CDKN2A: variants seen among roughly 807,000 people sequenced by gnomAD.
CDKN2A encodes cyclin dependent kinase inhibitor 2A.
In CDKN2A, 3 loss-of-function variants were observed where a neutral mutation model predicts 11.1. The observed-to-expected ratio is 0.27, with a 90% CI of 0.12 to 0.70. The LOEUF is 0.70. Among genes scored for constraint, CDKN2A ranks in the 30% least tolerant of loss-of-function variants. The pLI, the probability that CDKN2A is intolerant of heterozygous loss-of-function variation, is 0.77. For synonymous variants in CDKN2A, 122 were observed against 108.1 expected, an observed-to-expected ratio of 1.13 and a Z score of -0.80; for missense variants, 265 against 233.6, an observed-to-expected ratio of 1.13 and a Z score of -0.88.
rs2131108273 is a variant in CDKN2A at position 21,974,371 on chromosome 9, G to C, written c.150+307C>G. Reference sequence around the variant, plus strand: ...TTAAGACTCCCTTTTTATCCCAAACGTTCGTAAATTTTGTATCTGATAAAG... The same window carrying C: ...TTAAGACTCCCTTTTTATCCCAAACCTTCGTAAATTTTGTATCTGATAAAG... On this transcript the variant is annotated intron_variant, in intron 1 of 2. Coordinates refer to ENST00000304494, the MANE Select transcript of CDKN2A (RefSeq NM_000077.5). This position sits in a 1 kb window ranked among gnomAD's most constrained non-coding sequence, Gnocchi z 5.2. 7 of 1,531,320 alleles carry C rather than the reference G, an allele frequency of 4.6e-6. No homozygotes were observed. In the Admixed American group the frequency reaches 1.3e-4, roughly 28 times the overall value. The allele number at this position is 1,531,320 out of a possible 1,614,324, so 94.9% of individuals were successfully genotyped here. A position where few individuals can be genotyped will look rare whatever the true frequency, so the allele number is the denominator to read the frequency against.
Position 21,967,850 on chromosome 9 carries a change from T to A in CDKN2A, c.*379A>T. The A allele has an allele frequency of 3.0e-6, 1 of 332,304 alleles. No individual in the cohort carries two copies. Among genetic ancestry groups the A allele is most frequent in the East Asian group, 4.7e-5 (1 of 21,426 alleles). The allele number at this position is 332,304 out of a possible 1,614,324, so 20.6% of individuals were successfully genotyped here. On this transcript the variant is annotated 3_prime_UTR_variant, in exon 3 of 3. Coordinates refer to ENST00000304494, the MANE Select transcript of CDKN2A (RefSeq NM_000077.5). Reference sequence around the variant, plus strand: ...GAGAAGCCAGTAACCCCCCTGAGCTTCCCTAGTTCACAAAATGCTTGTCAT... The same window carrying A: ...GAGAAGCCAGTAACCCCCCTGAGCTACCCTAGTTCACAAAATGCTTGTCAT...
chr9:21,989,375 A>ATGATTTCATT (rs1820370546), intron 2 of CDKN2A: 1 of 152,120 alleles, frequency 6.6e-6, no homozygotes, highest in Non-Finnish European at 1.5e-5. Flanking sequence ...ATTCTAATCA[A>ATGATTTCATT]TGATTTCATT....
Position 21,968,851 on chromosome 9 carries a change from G to C in CDKN2A, c.458-609C>G, listed in dbSNP as rs947505523. On this transcript the variant is annotated intron_variant, in intron 2 of 2. Transcript: ENST00000304494. The surrounding 1 kb of genome is among the most constrained non-coding windows in gnomAD (Gnocchi z 4.7). ...CTAATCTCGTTGCGTATGGGCTCCA[G>C]CTCGCCGTTCGGTTCTCCCGAGGCA... 1.4e-6 allele frequency: 2 copies of C among 1,417,980 alleles called. No homozygotes were observed. The allele number at this position is 1,417,980 out of a possible 1,614,324, so 87.8% of individuals were successfully genotyped here. A position where few individuals can be genotyped will look rare whatever the true frequency, so the allele number is the denominator to read the frequency against.
chr9:21,980,773 C>A (rs1820153666), intron 2 of CDKN2A, among the ~76,000 whole-genome samples: 1 of 150,918 alleles, frequency 6.6e-6, no homozygotes, highest in Admixed American at 6.6e-5. Flanking sequence ...TCCTAGGTAA[C>A]ACGGTGAAAC....
chr9:21,980,112 T>C (rs1332434366), intron 2 of CDKN2A, among the ~76,000 whole-genome samples: 5 of 152,194 alleles, frequency 3.3e-5, no homozygotes, highest in Admixed American at 1.3e-4. Context: ...TGAGACCAAG[T>C]GACAGTTCTC....
chr9:21,973,639 C>T (rs1393852113), intron 1 of CDKN2A, among the ~76,000 whole-genome samples: 1 of 152,094 alleles, frequency 6.6e-6, no homozygotes, highest in Non-Finnish European at 1.5e-5. Flanking sequence ...AGGAGAAACA[C>T]CTCTGTTCAA....
chr9:21,976,527 C>A (rs940286483), upstream of CDKN2A, among the ~76,000 whole-genome samples: 5 of 152,040 alleles, frequency 3.3e-5, no homozygotes, highest in African/African-American at 4.8e-5. Context: ...ACAAGCCTGA[C>A]CAACATGGCG....
At position 21,968,725 on chromosome 9, in the gene CDKN2A, C is replaced by G. The variant is rs1386969827; in HGVS notation, c.458-483G>C. 6.5e-7 allele frequency: 1 copy of G among 1,536,182 alleles called. No individual in the cohort carries two copies. Among genetic ancestry groups the G allele is most frequent in the South Asian group, 1.2e-5 (1 of 84,064 alleles). On this transcript the variant is annotated intron_variant, in intron 2 of 2. Coordinates refer to ENST00000304494, the MANE Select transcript of CDKN2A (RefSeq NM_000077.5). The surrounding 1 kb of genome is among the most constrained non-coding windows in gnomAD (Gnocchi z 4.7). ...TCCTCGGCGGAATCCCGTAGCTTCC[C>G]TACGCATGCCTGCTTCTACAAACCC...
upstream of CDKN2A, among the ~76,000 whole-genome samples, chr9:21,977,307 A>C (rs1820060450): frequency 2.0e-5 from 3 of 152,248 alleles, no homozygotes; most frequent in South Asian, 6.2e-4. Flanking sequence ...GATGGGAGGG[A>C]GGGAACACAT....
In CDKN2A at chr9:21,991,524, A is replaced by G. The variant is rs1820429571; in HGVS notation, c.-4+2358T>C. 1 of 337,118 alleles carries G rather than the reference A, an allele frequency of 3.0e-6. No individual in the cohort carries two copies. Among genetic ancestry groups the G allele is most frequent in the African/African-American group, 2.2e-5 (1 of 44,872 alleles). The allele number at this position is 337,118 out of a possible 1,614,324, so 20.9% of individuals were successfully genotyped here. A position where few individuals can be genotyped will look rare whatever the true frequency, so the allele number is the denominator to read the frequency against. Reference sequence around the variant, plus strand: ...TCTCCAAGGACTTTTGAAAAAGTGTAAAAGCACTGGGCCCACTGTTGAACC... The same window carrying G: ...TCTCCAAGGACTTTTGAAAAAGTGTGAAAGCACTGGGCCCACTGTTGAACC... On this transcript the variant is annotated intron_variant, in intron 2 of 3. Transcript: ENST00000494262. The surrounding 1 kb of genome is among the most constrained non-coding windows in gnomAD (Gnocchi z 5.2).
At chr9:21,994,096 C>T in intron 1 of CDKN2A, 3 of 1,582,604 alleles carry the variant, frequency 1.9e-6, no homozygotes, top group Non-Finnish European at 1.7e-6. Context: ...CCAAACAAAA[C>T]AAGTGCCGAA....
intron 2 of CDKN2A, chr9:21,969,612 C>G: frequency 1.2e-4 from 37 of 307,088 alleles, no homozygotes; most frequent in Non-Finnish European, 8.9e-5. Context: ...TCAGTTTATT[C>G]ATTTGCTTGT....
intron 2 of CDKN2A, among the ~76,000 whole-genome samples, chr9:21,987,450 GA>G (rs1820329736): frequency 1.2e-5 from 1 of 83,884 alleles, no homozygotes; most frequent in African/African-American, 4.1e-5. Flanking sequence ...GAGAGAGAGA[GA>G]GAGAGATCCA....
At chr9:21,977,384 T>C (rs1820062341), upstream of CDKN2A, among the ~76,000 whole-genome samples, 3 of 151,998 alleles carry the variant, frequency 2.0e-5, no homozygotes, top group Admixed American at 2.0e-4. Context: ...TGAGATGGAG[T>C]TTCGCTCTGT....
At chr9:21,984,909 C>G (rs554979123) in intron 2 of CDKN2A, among the ~76,000 whole-genome samples, 1 of 151,892 alleles carries the variant, frequency 6.6e-6, no homozygotes, top group African/African-American at 2.4e-5. Context: ...AAGCCAATCT[C>G]CCCTCTGATA....
At position 21,974,259 on chromosome 9, in the gene CDKN2A, T is replaced by G; in HGVS notation, c.150+419A>C. On this transcript the variant is annotated intron_variant, in intron 1 of 2. Coordinates refer to ENST00000304494, the MANE Select transcript of CDKN2A (RefSeq NM_000077.5). This position sits in a 1 kb window ranked among gnomAD's most constrained non-coding sequence, Gnocchi z 5.2. ...TCCAACATACACCACAGATTTCCAC[T>G]GATAATCCCTCCTAGTAAGAAAGAT... The G allele has an allele frequency of 1.8e-6, 1 of 546,236 alleles. No homozygotes were observed. The highest frequency in any genetic ancestry group is 3.0e-6 in the Non-Finnish European group (1 of 335,216). The allele number at this position is 546,236 out of a possible 1,614,324, so 33.8% of individuals were successfully genotyped here.
rs1819961127 is a variant in CDKN2A at position 21,974,786 on chromosome 9, G to T, written c.42C>A (p.Asp14Glu). 1.2e-6 allele frequency: 2 copies of T among 1,607,608 alleles called. No homozygotes were observed. The highest frequency in any genetic ancestry group is 1.7e-6 in the Non-Finnish European group (2 of 1,179,192). ...AAGSSMEPSADWLATAAARGR... is the reference protein window; with the variant it reads ...AAGSSMEPSAEWLATAAARGR... ...CCCGGGCCGCGGCCGTGGCCAGCCA[G>T]TCAGCCGAAGGCTCCATGCTGCTCC... Residue 14 changes from aspartate to glutamate, a missense_variant, in exon 1 of 3, where the codon GAC (aspartate) becomes GAA (glutamate). Asp to Glu is a conservative substitution (Grantham distance 45). Transcript: ENST00000304494. The surrounding 1 kb of genome is among the most constrained non-coding windows in gnomAD (Gnocchi z 5.2).
chr9:21,987,507 G>T (rs1292508220), intron 2 of CDKN2A, among the ~76,000 whole-genome samples: 1 of 150,628 alleles, frequency 6.6e-6, no homozygotes, highest in Non-Finnish European at 1.5e-5. Context: ...GTTTTAAAAA[G>T]ACAACGTATC....
chr9:21,974,944 C>G, upstream of CDKN2A: 1 of 1,422,008 alleles, frequency 7.0e-7, no homozygotes. This position sits in a 1 kb window ranked among gnomAD's most constrained non-coding sequence, Gnocchi z 5.2. Context: ...CCGGTGCTGG[C>G]GGAAGAGCCC....
Sources: gnomAD v4.1 joint callset for allele counts (sites outside exome capture counted in the v4.1 genomes callset) on GRCh38, gnomAD v4.1.1 for gene constraint, Gnocchi (gnomAD v3.1) non-coding constraint, MANE v1.5 for transcripts, NCBI Gene and HGNC (gene_info 2026-07-23, HGNC 2026-07-21) for gene names.